MAF: variants seen among roughly 807,000 people sequenced by gnomAD.
The protein encoded by MAF is transcription factor Maf.
A neutral mutation model predicts 22.0 loss-of-function variants in MAF; 10 were observed. That is an observed-to-expected ratio of 0.45 (90% CI 0.28 to 0.77). The LOEUF (loss-of-function observed/expected upper bound fraction) is 0.77. MAF is among the 30% of genes least tolerant of loss of function. The pLI is 0.12. For missense variants in MAF, 544 were observed against 548.4 expected (o/e 0.99, Z 0.08); for synonymous variants, 337 against 255.8 (o/e 1.32, Z -3.03).
At chr16:79,597,832 C>T in intron 1 of MAF, 1 of 1,022,324 alleles carries the variant, frequency 9.8e-7, no homozygotes, top group East Asian at 6.3e-5. Context: ...TGTCTCTTTT[C>T]CATAAAGTCT....
the MAF span, among the ~76,000 whole-genome samples, chr16:79,481,292 C>T: frequency 6.6e-6 from 1 of 151,882 alleles, no homozygotes; most frequent in Non-Finnish European, 1.5e-5. Context: ...ATAAAATTCA[C>T]CCATTTAAAG....
At chr16:79,218,933 G>C in the MAF span, among the ~76,000 whole-genome samples, 1 of 152,154 alleles carries the variant, frequency 6.6e-6, no homozygotes, top group Non-Finnish European at 1.5e-5. Flanking sequence ...CCAAGCCTCT[G>C]TGGTTCATAC....
the MAF span, among the ~76,000 whole-genome samples, chr16:79,335,219 T>C: frequency 1.3e-4 from 20 of 150,660 alleles, no homozygotes; most frequent in Middle Eastern, 3.5e-3. Flanking sequence ...AGAACATACA[T>C]AGAATGAAAT....
the MAF span, among the ~76,000 whole-genome samples, chr16:79,222,881 G>C: frequency 6.6e-6 from 1 of 152,144 alleles, no homozygotes; most frequent in Non-Finnish European, 1.5e-5. Context: ...AGTTCTTAAA[G>C]ACCTACAAAG....
chr16:79,370,310 G>C, the MAF span, among the ~76,000 whole-genome samples: 141 of 152,306 alleles, frequency 9.3e-4, no homozygotes, highest in Middle Eastern at 3.4e-3. Flanking sequence ...GGCAAGGAAA[G>C]AAGAGCAGCA....
chr16:79,291,874 T>A, the MAF span, among the ~76,000 whole-genome samples: 2 of 150,254 alleles, frequency 1.3e-5, no homozygotes, highest in Admixed American at 6.7e-5. Flanking sequence ...TGGTGAAGGC[T>A]CACCTTGCAT....
At chr16:79,414,009 G>A in the MAF span, among the ~76,000 whole-genome samples, 3 of 152,208 alleles carry the variant, frequency 2.0e-5, no homozygotes, top group Non-Finnish European at 4.4e-5. Context: ...GCCCTCAGCT[G>A]TCTGAGCTCA....
At chr16:79,267,083 T>A in the MAF span, among the ~76,000 whole-genome samples, 170 of 152,318 alleles carry the variant, frequency 1.1e-3, no homozygotes, top group Non-Finnish European at 2.3e-3. Context: ...TGCTTATGCA[T>A]GTAATACACT....
At chr16:79,219,952 G>A in the MAF span, among the ~76,000 whole-genome samples, 5 of 152,082 alleles carry the variant, frequency 3.3e-5, no homozygotes, top group Non-Finnish European at 1.5e-5. Context: ...GGAAATAACT[G>A]GTAACTAATG....
the MAF span, among the ~76,000 whole-genome samples, chr16:79,226,294 CT>C: frequency 6.6e-6 from 1 of 152,154 alleles, no homozygotes; most frequent in Non-Finnish European, 1.5e-5. Flanking sequence ...AAACCAAACA[CT>C]GTACGTTCTG....
chr16:79,434,368 G>T, the MAF span, among the ~76,000 whole-genome samples: 1 of 152,156 alleles, frequency 6.6e-6, no homozygotes, highest in Non-Finnish European at 1.5e-5. Flanking sequence ...TTTAAAGTTT[G>T]CCAATTTCTA....
chr16:79,586,791 A>G (rs148286531), intron 1 of MAF, among the ~76,000 whole-genome samples: 1 of 152,368 alleles, frequency 6.6e-6, no homozygotes, highest in African/African-American at 2.4e-5. Flanking sequence ...GCTAGTCACA[A>G]TATAGAAGTT....
chr16:79,385,102 G>A, the MAF span, among the ~76,000 whole-genome samples: 2 of 152,038 alleles, frequency 1.3e-5, no homozygotes, highest in African/African-American at 4.8e-5. Flanking sequence ...AGACATAGGT[G>A]GATTTTTTTC....
chr16:79,279,224 G>A, the MAF span, among the ~76,000 whole-genome samples: 16 of 151,964 alleles, frequency 1.1e-4, 1 homozygote, highest in African/African-American at 2.9e-4. Context: ...TTCTCACCCC[G>A]ATCCATGCAT....
the MAF span, among the ~76,000 whole-genome samples, chr16:79,574,089 T>G: frequency 6.6e-6 from 1 of 152,234 alleles, no homozygotes; most frequent in African/African-American, 2.4e-5. Flanking sequence ...AACTTCACGC[T>G]CACAGAGTTT....
chr16:79,556,180 T>A, the MAF span, among the ~76,000 whole-genome samples: 2 of 152,208 alleles, frequency 1.3e-5, no homozygotes, highest in Non-Finnish European at 2.9e-5. Context: ...TACAAGCAGA[T>A]GTCAGCATAC....
the MAF span, among the ~76,000 whole-genome samples, chr16:79,361,174 T>C: frequency 6.6e-6 from 1 of 152,180 alleles, no homozygotes; most frequent in Admixed American, 6.5e-5. Flanking sequence ...GGGAGAACTT[T>C]TCTGGTGGAG....
the MAF span, among the ~76,000 whole-genome samples, chr16:79,553,998 A>C: frequency 2.6e-4 from 40 of 152,160 alleles, no homozygotes; most frequent in African/African-American, 9.4e-4. Flanking sequence ...CTGAGGCAGG[A>C]GAATTGCTTG....
chr16:79,366,143 T>C, the MAF span, among the ~76,000 whole-genome samples: 2 of 152,222 alleles, frequency 1.3e-5, no homozygotes, highest in African/African-American at 4.8e-5. Flanking sequence ...CCAGCTGTCA[T>C]TCTCATGGTG....
Sources: allele counts gnomAD v4.1 joint callset (sites outside exome capture counted in the v4.1 genomes callset), GRCh38; gene constraint gnomAD v4.1.1; transcripts MANE v1.5; gene names NCBI Gene and HGNC (gene_info 2026-07-23, HGNC 2026-07-21).